LCA5: variants seen among roughly 807,000 people sequenced by gnomAD.
The protein encoded by LCA5 is lebercilin.
LCA5 carries 37 observed loss-of-function variants against 53.0 expected under a neutral mutation model. That is an observed-to-expected ratio of 0.70 (90% confidence interval 0.54 to 0.92). The LOEUF is 0.92. Among genes scored for constraint, LCA5 ranks in the 40% least tolerant of loss-of-function variants. The pLI, the probability that LCA5 is intolerant of heterozygous loss-of-function variation, is 0.00. For missense variants in LCA5, 806 were observed against 790.5 expected, an observed-to-expected ratio of 1.02 and a Z score of -0.23; for synonymous variants, 303 against 282.9, an observed-to-expected ratio of 1.07 and a Z score of -0.71.
intron 1 of LCA5, among the ~76,000 whole-genome samples, chr6:79,524,930 C>G (rs1766737590): frequency 1.3e-5 from 2 of 151,922 alleles, no homozygotes; most frequent in East Asian, 3.9e-4. Flanking sequence ...GAAATTTCTC[C>G]TAGTTAAATA....
intron 3 of LCA5, among the ~76,000 whole-genome samples, chr6:79,502,843 C>G (rs1770178288): frequency 6.6e-6 from 1 of 152,078 alleles, no homozygotes; most frequent in South Asian, 2.1e-4. Context: ...TACTCCCACA[C>G]ATGAGCTTCT....
intron 3 of LCA5, among the ~76,000 whole-genome samples, chr6:79,506,114 C>T (rs1770266036): frequency 6.6e-6 from 1 of 152,142 alleles, no homozygotes; most frequent in African/African-American, 2.4e-5. Flanking sequence ...TTTATTCAAA[C>T]TTCCTTTAAT....
At position 79,513,582 on chromosome 6, in the gene LCA5, T is replaced by C. The variant is rs147685979; in HGVS notation, c.350A>G (p.Asn117Ser). ...ARLLKINELQ[N>S]EVSELQVKLA... ...CTTGACCTGGAGTTCAGATACTTCA[T>C]TCTGCAACTCATTGATTTTTAGCAG... Residue 117 changes from asparagine to serine, a missense_variant, in exon 3 of 8, where the codon AAT becomes AGT. Coordinates refer to ENST00000369846, the MANE Select transcript of LCA5 (RefSeq NM_001122769.3). 1.2e-5 allele frequency: 20 copies of C among 1,613,988 alleles called. No individual in the cohort carries two copies. The highest frequency in any genetic ancestry group is 1.6e-5 in the Non-Finnish European group (19 of 1,179,884).
chr6:79,505,058 G>T (rs1422794641), intron 3 of LCA5, among the ~76,000 whole-genome samples: 1 of 152,082 alleles, frequency 6.6e-6, no homozygotes, highest in Non-Finnish European at 1.5e-5. Flanking sequence ...GGAAACTAAT[G>T]TTTCATTGTC....
chr6:79,494,091 A>G (rs1262348626), intron 3 of LCA5, among the ~76,000 whole-genome samples: 1 of 152,266 alleles, frequency 6.6e-6, no homozygotes, highest in Non-Finnish European at 1.5e-5. Context: ...TCTCTATAAA[A>G]TAAGAGTTTA....
chr6:79,491,816 G>A, intron 5 of LCA5, 86 bp from the exon 6 acceptor site: 3 of 1,107,956 alleles, frequency 2.7e-6, no homozygotes, highest in South Asian at 1.3e-5. Context: ...ATATATATAT[G>A]CATGTGTGTT....
At chr6:79,516,241 A>C (rs1766433645) in intron 2 of LCA5, among the ~76,000 whole-genome samples, 1 of 151,886 alleles carries the variant, frequency 6.6e-6, no homozygotes, top group South Asian at 2.1e-4. Flanking sequence ...TAAAGTTGAA[A>C]TGTCCATCAT....
At chr6:79,538,558 T>G (rs919123460), upstream of LCA5, among the ~76,000 whole-genome samples, 2 of 152,204 alleles carry the variant, frequency 1.3e-5, no homozygotes, top group Non-Finnish European at 2.9e-5. Context: ...CGGAATTACT[T>G]TTCATCAATT....
At chr6:79,506,904 A>G (rs1770285080) in intron 3 of LCA5, among the ~76,000 whole-genome samples, 1 of 152,250 alleles carries the variant, frequency 6.6e-6, no homozygotes, top group Non-Finnish European at 1.5e-5. Context: ...TGTGTGATGT[A>G]AAACATCCAT....
chr6:79,512,007 TTCTC>T (rs1296175953), intron 3 of LCA5, among the ~76,000 whole-genome samples: 2 of 152,138 alleles, frequency 1.3e-5, no homozygotes, highest in Non-Finnish European at 1.5e-5. Flanking sequence ...CAATTTCATG[TTCTC>T]TCTCTATATG....
rs898202581 is a variant in LCA5 at position 79,537,158 on chromosome 6, A to G, written c.-192+7T>C. On this transcript the variant is annotated splice_region_variant and intron_variant, in intron 1 of 7. Transcript: ENST00000369846. ...CCCGCCGTCTCCACGCCCACTTCAAAGCCCACCTCCAACCCGCAGGCTCTT... is the reference window on the plus strand; with the variant it reads ...CCCGCCGTCTCCACGCCCACTTCAAGGCCCACCTCCAACCCGCAGGCTCTT... 6.5e-6 allele frequency: 1 copy of G among 152,918 alleles called. No homozygotes were observed. The highest frequency in any genetic ancestry group is 1.5e-5 in the Non-Finnish European group (1 of 68,530). 9.5% of individuals were successfully genotyped at this position (152,918 alleles called of 1,614,324 possible).
At position 79,504,656 on chromosome 6, in the gene LCA5, T is replaced by C. The variant is rs188799586; in HGVS notation, c.720+8556A>G. Among the ~76,000 whole-genome samples the C allele has an allele frequency of 3.2e-3, 494 of 152,290 alleles. 2 individuals carry two copies. The highest frequency in any genetic ancestry group is 6.6e-3 in the Admixed American group (101 of 15,290). Reference sequence around the variant, plus strand: ...AGGTCACTATGTATGGAGAAACTTTTAGGCCAAACTTAAAATATGAAAGAA... The same window carrying C: ...AGGTCACTATGTATGGAGAAACTTTCAGGCCAAACTTAAAATATGAAAGAA... On this transcript the variant is annotated intron_variant, in intron 3 of 7. Transcript: ENST00000369846.
intron 1 of LCA5, among the ~76,000 whole-genome samples, chr6:79,527,691 G>A (rs1312169328): frequency 6.6e-6 from 1 of 152,164 alleles, no homozygotes; most frequent in East Asian, 1.9e-4. Context: ...AGGGCTCCCT[G>A]CCAAATAACT....
chr6:79,520,872 G>C (rs556273652), intron 1 of LCA5, among the ~76,000 whole-genome samples: 7 of 152,272 alleles, frequency 4.6e-5, no homozygotes, highest in Non-Finnish European at 8.8e-5. Context: ...TATCAAGGAA[G>C]AAGGGTAACA....
intron 3 of LCA5, among the ~76,000 whole-genome samples, chr6:79,497,463 C>A (rs1426932903): frequency 2.0e-5 from 3 of 152,064 alleles, no homozygotes; most frequent in African/African-American, 7.2e-5. Context: ...ACAAAAACCT[C>A]ATCTATACAC....
At chr6:79,493,462 CA>C in intron 4 of LCA5, 150 bp downstream of exon 4, 1 of 751,920 alleles carries the variant, frequency 1.3e-6, no homozygotes, top group Non-Finnish European at 2.1e-6. Flanking sequence ...ATTATACCAA[CA>C]AACCTTTTCT....
upstream of LCA5, among the ~76,000 whole-genome samples, chr6:79,538,528 T>G (rs1767225308): frequency 6.6e-6 from 1 of 152,246 alleles, no homozygotes; most frequent in Non-Finnish European, 1.5e-5. Context: ...GAAAATAAGA[T>G]GAGTAATCCC....
intron 3 of LCA5, among the ~76,000 whole-genome samples, chr6:79,502,919 C>T (rs1170303239): frequency 5.3e-5 from 8 of 151,950 alleles, no homozygotes; most frequent in South Asian, 2.1e-4. Flanking sequence ...CTCACTCTGT[C>T]GCGTAGGCTG....
At chr6:79,495,853 A>G (rs984900175) in intron 3 of LCA5, among the ~76,000 whole-genome samples, 12 of 152,044 alleles carry the variant, frequency 7.9e-5, no homozygotes, top group Admixed American at 7.9e-4. Flanking sequence ...ACCTGTGGAT[A>G]TGGTGGGCCT....
Sources: gnomAD v4.1 joint callset for allele counts (sites outside exome capture counted in the v4.1 genomes callset) on GRCh38, gnomAD v4.1.1 for gene constraint, MANE v1.5 for transcripts, NCBI Gene and HGNC (gene_info 2026-07-23, HGNC 2026-07-21) for gene names.